Variants in FGF12 observed in about 807,000 individuals in gnomAD.
The protein encoded by FGF12 is fibroblast growth factor 12B.
In FGF12, 14 loss-of-function variants were observed where a neutral mutation model predicts 23.6. The observed-to-expected ratio is 0.59, with a 90% confidence interval of 0.39 to 0.93. The LOEUF is 0.93. Among genes scored for constraint, FGF12 ranks in the 40% least tolerant of loss-of-function variants. The pLI, the probability that FGF12 is intolerant of heterozygous loss-of-function variation, is 0.00. For synonymous variants in FGF12, 62 were observed against 77.3 expected (o/e 0.80, Z 1.04); for missense variants, 175 against 217.8 (o/e 0.80, Z 1.24).
intron 2 of FGF12, among the ~76,000 whole-genome samples, chr3:192,693,263 G>A (rs1181315511): frequency 6.6e-6 from 1 of 151,758 alleles, no homozygotes; most frequent in Non-Finnish European, 1.5e-5. Context: ...AAAACCATAA[G>A]GTGAAATAAA....
At chr3:192,276,899 G>A (rs1406302211) in intron 4 of FGF12, among the ~76,000 whole-genome samples, 1 of 152,102 alleles carries the variant, frequency 6.6e-6, no homozygotes, top group Non-Finnish European at 1.5e-5. Context: ...AGACAGACAG[G>A]TCTTACTGAG....
chr3:192,489,876 G>A (rs954189907), intron 2 of FGF12, among the ~76,000 whole-genome samples: 1 of 151,780 alleles, frequency 6.6e-6, no homozygotes, highest in African/African-American at 2.4e-5. Context: ...ATAACTAATG[G>A]GTAACAGGCT....
intron 2 of FGF12, among the ~76,000 whole-genome samples, chr3:192,556,870 GA>G (rs1262783465): frequency 1.3e-5 from 2 of 151,996 alleles, no homozygotes; most frequent in Non-Finnish European, 2.9e-5. Flanking sequence ...ACAATGGATT[GA>G]AACTAGAAAT....
chr3:192,317,274 G>A (rs546209351), intron 4 of FGF12, among the ~76,000 whole-genome samples: 1 of 152,052 alleles, frequency 6.6e-6, no homozygotes, highest in East Asian at 2.0e-4. Flanking sequence ...CATCAAGCAG[G>A]TTCCCAGGGT....
chr3:192,293,860 C>A (rs1048411824), intron 4 of FGF12, among the ~76,000 whole-genome samples: 2 of 152,078 alleles, frequency 1.3e-5, no homozygotes, highest in African/African-American at 4.8e-5. Flanking sequence ...AGTCCAATAT[C>A]CAGGTGATGG....
chr3:192,386,682 T>C (rs1720054307), intron 2 of FGF12, among the ~76,000 whole-genome samples: 2 of 152,146 alleles, frequency 1.3e-5, no homozygotes, highest in African/African-American at 4.8e-5. Flanking sequence ...TACAAGGCAA[T>C]GCATGAATAG....
At chr3:192,330,602 C>G (rs1268349433) in intron 4 of FGF12, among the ~76,000 whole-genome samples, 1 of 152,138 alleles carries the variant, frequency 6.6e-6, no homozygotes, top group Non-Finnish European at 1.5e-5. Flanking sequence ...TAAGAGGAGG[C>G]TGAGGCAGGA....
intron 4 of FGF12, among the ~76,000 whole-genome samples, chr3:192,296,390 AT>A (rs1382030252): frequency 6.7e-6 from 1 of 150,362 alleles, no homozygotes; most frequent in Non-Finnish European, 1.5e-5. Context: ...TGCCCAGCTT[AT>A]TTCCATATTT....
At chr3:192,648,145 G>A (rs1043493389) in intron 2 of FGF12, among the ~76,000 whole-genome samples, 1 of 151,920 alleles carries the variant, frequency 6.6e-6, no homozygotes, top group Admixed American at 6.6e-5. Flanking sequence ...AATACATTCT[G>A]ACATGACACA....
At chr3:192,266,312 A>G (rs1385469578) in intron 4 of FGF12, among the ~76,000 whole-genome samples, 1 of 152,184 alleles carries the variant, frequency 6.6e-6, no homozygotes, top group African/African-American at 2.4e-5. Flanking sequence ...CATAATGTTA[A>G]GCACAGATAG....
intron 4 of FGF12, among the ~76,000 whole-genome samples, chr3:192,292,296 ATT>A (rs113462379): frequency 2.7e-5 from 4 of 146,422 alleles, no homozygotes; most frequent in African/African-American, 9.9e-5. Flanking sequence ...ATACCAAACA[ATT>A]TTTTTTTTTT....
intron 2 of FGF12, among the ~76,000 whole-genome samples, chr3:192,436,853 A>G (rs1329663462): frequency 6.6e-6 from 1 of 152,192 alleles, no homozygotes; most frequent in Non-Finnish European, 1.5e-5. Flanking sequence ...GTCTCCCAAC[A>G]CAGACTGTGT....
At chr3:192,669,006 A>C (rs1717003235) in intron 2 of FGF12, among the ~76,000 whole-genome samples, 1 of 152,214 alleles carries the variant, frequency 6.6e-6, no homozygotes, top group Non-Finnish European at 1.5e-5. Flanking sequence ...AACACAAATA[A>C]ATATGCTCTA....
intron 2 of FGF12, among the ~76,000 whole-genome samples, chr3:192,459,992 A>C (rs1386730367): frequency 6.6e-6 from 1 of 152,104 alleles, no homozygotes; most frequent in Non-Finnish European, 1.5e-5. Flanking sequence ...AAGATGATCT[A>C]GATCAATCTA....
At chr3:192,711,403 A>G (rs570687109) in intron 2 of FGF12, among the ~76,000 whole-genome samples, 16 of 148,820 alleles carry the variant, frequency 1.1e-4, no homozygotes, top group African/African-American at 3.6e-4. Flanking sequence ...CCTTCTGGGA[A>G]GTGAGGAGCC....
At chr3:192,271,844 G>T (rs963624294) in intron 4 of FGF12, among the ~76,000 whole-genome samples, 3 of 152,136 alleles carry the variant, frequency 2.0e-5, no homozygotes, top group Non-Finnish European at 4.4e-5. Context: ...TAGTTTTGCA[G>T]CACTGTAAAA....
chr3:192,244,721 A>G (rs767436784), intron 4 of FGF12: 1 of 152,216 alleles, frequency 6.6e-6, no homozygotes. Context: ...CTGAAAGAAG[A>G]TATGCACAGT....
chr3:192,727,045 G>A, intron 2 of FGF12, 136 bp downstream of exon 2: 1 of 1,097,520 alleles, frequency 9.1e-7, no homozygotes, highest in Non-Finnish European at 1.4e-6. Context: ...CCCCAGTGCT[G>A]CAATGGACAT....
chr3:192,158,370 CTT>C (rs1185712833), intron 5 of FGF12, among the ~76,000 whole-genome samples: 2 of 121,548 alleles, frequency 1.6e-5, no homozygotes, highest in Admixed American at 8.7e-5. Context: ...TTCTTTCTTT[CTT>C]TCTTTCTTTC....
Sources: gnomAD v4.1 joint callset for allele counts (sites outside exome capture counted in the v4.1 genomes callset) on GRCh38, gnomAD v4.1.1 for gene constraint, MANE v1.5 for transcripts, NCBI Gene and HGNC (gene_info 2026-07-23, HGNC 2026-07-21) for gene names.